ZNF385B: variants seen among roughly 807,000 people sequenced by gnomAD.
The protein encoded by ZNF385B is zinc finger protein 533.
In ZNF385B, 23 loss-of-function variants were observed where a neutral mutation model predicts 39.2. The ratio of observed to expected loss-of-function variants is 0.59; its 90% confidence interval spans 0.42 to 0.83. The LOEUF is 0.83. Ranked by LOEUF, ZNF385B falls within the 40% of genes least tolerant of loss-of-function variation. The pLI is 0.00. For synonymous variants in ZNF385B, 205 were observed against 222.6 expected (o/e 0.92, Z 0.70); for missense variants, 552 against 598.9 (o/e 0.92, Z 0.82).
intron 1 of ZNF385B, among the ~76,000 whole-genome samples, chr2:179,805,192 T>TG: frequency 6.6e-6 from 1 of 152,220 alleles, no homozygotes; most frequent in African/African-American, 2.4e-5. Flanking sequence ...AGAGGTTACA[T>TG]GGGGGGAACC....
intron 1 of ZNF385B, among the ~76,000 whole-genome samples, chr2:179,804,710 A>G (rs1179784009): frequency 6.6e-6 from 1 of 152,216 alleles, no homozygotes; most frequent in Non-Finnish European, 1.5e-5. Flanking sequence ...GCACACAGTG[A>G]GCACTTGAAT....
In ZNF385B at chr2:179,714,942, C is replaced by CAAAAAAAAAAAAAAAAAAAAAAAA. The variant is rs34449760; in HGVS notation, c.298+54560_298+54561insTTTTTTTTTTTTTTTTTTTTTTTT. On this transcript the variant is annotated intron_variant, in intron 3 of 9. Coordinates refer to ENST00000410066, the MANE Select transcript of ZNF385B (RefSeq NM_152520.6). ...TGGGTAACAAAGCGAGATTCTATCT[C>CAAAAAAAAAAAAAAAAAAAAAAAA]AAAAAAAAAAAAAAAAAAACAGTTT... Among the ~76,000 whole-genome samples, 63 of 79,250 alleles carry CAAAAAAAAAAAAAAAAAAAAAAAA rather than the reference C, an allele frequency of 7.9e-4. 5 individuals carry two copies. The highest frequency in any genetic ancestry group is 3.2e-3 in the East Asian group (4 of 1,252). 52.0% of individuals were successfully genotyped at this position (79,250 alleles called of 152,430 possible).
rs115138818 is a variant in ZNF385B, at chr2:179,783,073, C to T, written c.-154-12401G>A. Among the ~76,000 whole-genome samples the T allele has an allele frequency of 6.5e-3, 986 of 152,244 alleles. 12 individuals are homozygous for T. The highest frequency in any genetic ancestry group is 0.023 in the African/African-American group (942 of 41,542). ...AAGCTGGAAGCATCACATTACCCAA[C>T]TTCAAATTATCCTACAGGACTACAG... On this transcript the variant is annotated intron_variant, in intron 1 of 9. Coordinates refer to ENST00000410066, the MANE Select transcript of ZNF385B (RefSeq NM_152520.6).
rs761372317 is a variant in ZNF385B at position 179,518,624 on chromosome 2, T to C, written c.456A>G (p.Gln152=). 1.5e-5 allele frequency: 24 copies of C among 1,595,762 alleles called. No homozygotes were observed. The highest frequency in any genetic ancestry group is 2.0e-5 in the Non-Finnish European group (23 of 1,173,504). ...FPNFNTMDPV[Q]KAVINHTFGV... Reference sequence around the variant, plus strand: ...CAAATGTATGGTTAATAACCGCTTTTTGCACAGGATCCATCTGAAGAACAA... The same window carrying C: ...CAAATGTATGGTTAATAACCGCTTTCTGCACAGGATCCATCTGAAGAACAA... The change falls in exon 5 of 10, where the codon CAA becomes CAG. Residue 152 remains glutamine, a synonymous_variant. Transcript: ENST00000410066.
chr2:179,798,348 A>G (rs1210934686), intron 1 of ZNF385B, among the ~76,000 whole-genome samples: 1 of 151,986 alleles, frequency 6.6e-6, no homozygotes, highest in Non-Finnish European at 1.5e-5. Context: ...AAATACTACA[A>G]GTCTGGTGGC....
At chr2:179,794,844 G>A (rs1183739532) in intron 1 of ZNF385B, among the ~76,000 whole-genome samples, 1 of 152,074 alleles carries the variant, frequency 6.6e-6, no homozygotes, top group Non-Finnish European at 1.5e-5. Flanking sequence ...TTAAAGAGAA[G>A]AAATTGGTCC....
In ZNF385B at chr2:179,715,330, CCT is replaced by C. The variant is rs1489578774; in HGVS notation, c.298+54171_298+54172del. On this transcript the variant is annotated intron_variant, in intron 3 of 9. Transcript: ENST00000410066. ...TGATAATCCCAGAGTCCATACCCCA[CCT>C]CTGATTTCTTAACTTCCAGATATTT... Among the ~76,000 whole-genome samples, 3 of 152,302 alleles carry C rather than the reference CCT, an allele frequency of 2.0e-5. No homozygotes were observed. In the East Asian group the frequency reaches 5.8e-4, roughly 29 times the overall value.
At chr2:179,475,836 G>C (rs1295914238) in intron 6 of ZNF385B, among the ~76,000 whole-genome samples, 1 of 102,836 alleles carries the variant, frequency 9.7e-6, no homozygotes, top group Non-Finnish European at 2.1e-5. Context: ...GGCTAACATG[G>C]GTAAACCCTG....
At chr2:179,757,447 T>G (rs575567828) in intron 3 of ZNF385B, among the ~76,000 whole-genome samples, 32 of 152,208 alleles carry the variant, frequency 2.1e-4, no homozygotes, top group African/African-American at 7.2e-4. Flanking sequence ...CGTTCTCAGG[T>G]CTCAAACTCC....
chr2:179,486,741 C>T (rs1311837989), intron 5 of ZNF385B, among the ~76,000 whole-genome samples: 1 of 152,080 alleles, frequency 6.6e-6, no homozygotes, highest in Non-Finnish European at 1.5e-5. Context: ...ATTACGAGAC[C>T]TTGTTTCTAC....
At chr2:179,818,110 G>A (rs1313729789) in intron 1 of ZNF385B, among the ~76,000 whole-genome samples, 1 of 152,104 alleles carries the variant, frequency 6.6e-6, no homozygotes, top group Middle Eastern at 3.2e-3. Context: ...CCAAGTGAGT[G>A]TGTGCATGTG....
At chr2:179,693,984 T>A (rs1173103480) in intron 3 of ZNF385B, among the ~76,000 whole-genome samples, 1 of 152,214 alleles carries the variant, frequency 6.6e-6, no homozygotes, top group South Asian at 2.1e-4. Context: ...CAAAAGTATG[T>A]GACCCAATTT....
chr2:179,501,550 A>T (rs918329383), intron 5 of ZNF385B, among the ~76,000 whole-genome samples: 1 of 152,172 alleles, frequency 6.6e-6, no homozygotes, highest in African/African-American at 2.4e-5. Context: ...TCATGGACAC[A>T]GAGAGTAGAA....
intron 5 of ZNF385B, among the ~76,000 whole-genome samples, chr2:179,491,210 C>A (rs562328048): frequency 6.6e-6 from 1 of 152,096 alleles, no homozygotes; most frequent in African/African-American, 2.4e-5. Flanking sequence ...TTTAAGAATT[C>A]ATCAAGAAGT....
At chr2:179,814,710 G>A (rs1706954337) in intron 1 of ZNF385B, 1 of 239,198 alleles carries the variant, frequency 4.2e-6, no homozygotes, top group Non-Finnish European at 8.6e-6. Flanking sequence ...ATGTTGTGGA[G>A]GCCTTTTCAT....
chr2:179,741,112 A>G (rs899732203), intron 3 of ZNF385B, among the ~76,000 whole-genome samples: 1 of 152,182 alleles, frequency 6.6e-6, no homozygotes, highest in Non-Finnish European at 1.5e-5. Flanking sequence ...CAACTGATCA[A>G]TTCAGGCTCA....
At chr2:179,492,355 C>G (rs1224136739) in intron 5 of ZNF385B, among the ~76,000 whole-genome samples, 1 of 152,164 alleles carries the variant, frequency 6.6e-6, no homozygotes, top group Non-Finnish European at 1.5e-5. Context: ...TGCATTAAAG[C>G]TGTGACTCTA....
At chr2:179,550,909 C>T (rs59255331) in intron 3 of ZNF385B, among the ~76,000 whole-genome samples, 21,074 of 135,546 alleles carry the variant, frequency 0.16, 2,591 homozygotes, top group Non-Finnish European at 0.18. Flanking sequence ...AAAGAAAATG[C>T]TTAATTTCTC....
At position 179,560,115 on chromosome 2, in the gene ZNF385B, A is replaced by T. The variant is rs574327041; in HGVS notation, c.299-15146T>A. ...AGGATCTTCTTTTTAAAATCTGAAT[A>T]ATATTCTTTATATGGAATTTCATTT... On this transcript the variant is annotated intron_variant, in intron 3 of 9. Coordinates refer to ENST00000410066, the MANE Select transcript of ZNF385B (RefSeq NM_152520.6). 2.2e-3 allele frequency among the ~76,000 whole-genome samples: 335 copies of T among 152,202 alleles called. 1 individual carries two copies. The highest frequency in any genetic ancestry group is 3.6e-3 in the Non-Finnish European group (243 of 68,000).
Sources: gnomAD v4.1 joint callset for allele counts (sites outside exome capture counted in the v4.1 genomes callset) on GRCh38, gnomAD v4.1.1 for gene constraint, MANE v1.5 for transcripts, NCBI Gene and HGNC (gene_info 2026-07-23, HGNC 2026-07-21) for gene names.